The following HHLA1 variants were observed in gnomAD, a reference collection of about 807,000 sequenced individuals.
HHLA1 encodes HHLA1 neighbor of OC90, also known as HERV-H LTR-associating protein 1.
A neutral mutation model predicts 69.9 loss-of-function variants in HHLA1; 72 were observed. The ratio of observed to expected loss-of-function variants is 1.03; its 90% CI spans 0.85 to 1.25. The LOEUF is 1.25. Ranked by LOEUF, HHLA1 falls within the 50% of genes most tolerant of loss-of-function variation. The pLI is 0.00. For synonymous variants in HHLA1, 252 were observed against 233.2 expected (o/e 1.08, Z -0.73); for missense variants, 685 against 642.2 (o/e 1.07, Z -0.72).
chr8:132,090,755 C>CT (rs398047424), intron 7 of HHLA1, among the ~76,000 whole-genome samples: 31 of 97,638 alleles, frequency 3.2e-4, no homozygotes, highest in East Asian at 1.9e-3. Flanking sequence ...CTTTCTCTCT[C>CT]TTTTTTTTTT....
chr8:132,077,513 TG>T (rs996044764), intron 12 of HHLA1, among the ~76,000 whole-genome samples: 1 of 151,724 alleles, frequency 6.6e-6, no homozygotes, highest in Non-Finnish European at 1.5e-5. Context: ...AGAGAGGAAC[TG>T]GGGAATGAAA....
At chr8:132,090,961 G>A (rs1326068183) in intron 7 of HHLA1, among the ~76,000 whole-genome samples, 7 of 152,024 alleles carry the variant, frequency 4.6e-5, no homozygotes, top group Middle Eastern at 3.4e-3. Flanking sequence ...GGGTTTCACC[G>A]TGTTAGCCAG....
intron 3 of HHLA1, among the ~76,000 whole-genome samples, chr8:132,103,822 G>A (rs1824156790): frequency 6.6e-6 from 1 of 152,152 alleles, no homozygotes; most frequent in South Asian, 2.1e-4. Context: ...GAAAGGCAAA[G>A]AAAGATGAAA....
intron 7 of HHLA1, among the ~76,000 whole-genome samples, chr8:132,094,689 C>A (rs1049393898): frequency 5.9e-5 from 9 of 152,118 alleles, no homozygotes; most frequent in Admixed American, 3.3e-4. Context: ...CTTCATGGTT[C>A]CCATGGTCAG....
intron 7 of HHLA1, among the ~76,000 whole-genome samples, chr8:132,091,435 G>C (rs1823944041): frequency 6.6e-6 from 1 of 152,218 alleles, no homozygotes; most frequent in Non-Finnish European, 1.5e-5. Context: ...GCTGAGGTCT[G>C]TCTTGGGCCA....
chr8:132,071,256 C>A, intron 15 of HHLA1, 84 bp downstream of exon 15: 1 of 1,262,726 alleles, frequency 7.9e-7, no homozygotes, highest in African/African-American at 1.5e-5. Flanking sequence ...TATTGCCTGA[C>A]TGCCTTGTGG....
chr8:132,078,237 G>A (rs1311171077), intron 11 of HHLA1, among the ~76,000 whole-genome samples: 4 of 151,526 alleles, frequency 2.6e-5, no homozygotes, highest in Non-Finnish European at 4.4e-5. Flanking sequence ...AGGACCCCAG[G>A]CGTGTGTGTT....
At chr8:132,079,587 T>G in intron 11 of HHLA1, 131 bp downstream of exon 11, 1 of 1,005,998 alleles carries the variant, frequency 9.9e-7, no homozygotes, top group Non-Finnish European at 1.4e-6. Context: ...ATCTGTTATT[T>G]AAGTAAGCTG....
chr8:132,104,152 C>G lies in HHLA1; in HGVS notation c.95G>C (p.Gly32Ala). Residue 32 changes from glycine to alanine, a missense_variant, in exon 3 of 17, where the codon GGA becomes GCA. Physicochemically the swap from Gly to Ala is moderately conservative, Grantham distance 60. Coordinates refer to ENST00000414222, the MANE Select transcript of HHLA1 (RefSeq NM_001145095.3). ...SLWNTVSGIK[G>A]EAKKEKGMTF... The stretch of plus-strand genomic sequence containing the variant: ...CATTCCCTTCTCTTTCTTGGCTTCT[C>G]CTTTGATGCCAGACACTAAAGTAAA... 1 of 1,550,138 alleles carries G rather than the reference C, an allele frequency of 6.5e-7. No homozygotes were observed. Among genetic ancestry groups the G allele is most frequent in the Non-Finnish European group, 8.7e-7 (1 of 1,145,706 alleles).
chr8:132,080,355 G>A, intron 10 of HHLA1: 1 of 349,812 alleles, frequency 2.9e-6, no homozygotes, highest in Non-Finnish European at 5.6e-6. Flanking sequence ...AGGGAGATAA[G>A]GGTGGGGCCG....
In HHLA1 at chr8:132,062,081, T is replaced by C. The variant is rs1189876587; in HGVS notation, c.*1914A>G. 1.3e-5 allele frequency: 2 copies of C among 152,180 alleles called. No homozygotes were observed. The highest frequency in any genetic ancestry group is 2.9e-5 in the Non-Finnish European group (2 of 68,044). 9.4% of individuals were successfully genotyped at this position (152,180 alleles called of 1,614,324 possible). A position where few individuals can be genotyped will look rare whatever the true frequency, so the allele number is the denominator to read the frequency against. ...TCTTTGAGGAACCTTGAGGACCCTC[T>C]CCTGTCAAAGGTCCTTAATTAATAT... On this transcript the variant is annotated 3_prime_UTR_variant, in exon 17 of 17. Coordinates refer to ENST00000414222, the MANE Select transcript of HHLA1 (RefSeq NM_001145095.3).
At chr8:132,080,229 A>T (rs768643686) in intron 10 of HHLA1, 1 of 546,534 alleles carries the variant, frequency 1.8e-6, no homozygotes, top group Admixed American at 2.4e-5. Context: ...TTATGGATAC[A>T]ACTAAATTTC....
chr8:132,096,176 G>C (rs1443991463), intron 5 of HHLA1, among the ~76,000 whole-genome samples: 1 of 152,174 alleles, frequency 6.6e-6, no homozygotes, highest in Non-Finnish European at 1.5e-5. Context: ...TCCCTTCAAG[G>C]GCTCTAAAGG....
chr8:132,072,224 T>C (rs1276607478), intron 14 of HHLA1, among the ~76,000 whole-genome samples: 2 of 152,200 alleles, frequency 1.3e-5, no homozygotes, highest in Non-Finnish European at 2.9e-5. Context: ...CAACAAATTA[T>C]TTTTAATAAA....
chr8:132,102,361 T>G (rs1245473874), intron 3 of HHLA1, among the ~76,000 whole-genome samples: 1 of 152,234 alleles, frequency 6.6e-6, no homozygotes, highest in Non-Finnish European at 1.5e-5. Flanking sequence ...GCTTTTTGGT[T>G]AAATATCAAA....
chr8:132,070,843 C>G (rs1017015198), intron 15 of HHLA1, among the ~76,000 whole-genome samples: 7 of 152,010 alleles, frequency 4.6e-5, no homozygotes, highest in African/African-American at 1.7e-4. Flanking sequence ...TAATACAACT[C>G]AAGTCATCCC....
At chr8:132,102,808 T>A (rs1450038210) in intron 3 of HHLA1, among the ~76,000 whole-genome samples, 1 of 65,878 alleles carries the variant, frequency 1.5e-5, no homozygotes. Context: ...TTTTTTTTTT[T>A]TTTTTTTTTT....
chr8:132,078,381 C>A (rs1264735364), intron 11 of HHLA1, among the ~76,000 whole-genome samples: 1 of 152,096 alleles, frequency 6.6e-6, no homozygotes, highest in Non-Finnish European at 1.5e-5. Flanking sequence ...ATGGTGTGAA[C>A]TTTGGGGCAA....
chr8:132,079,490 G>A (rs1307649684), intron 11 of HHLA1, among the ~76,000 whole-genome samples: 1 of 152,164 alleles, frequency 6.6e-6, no homozygotes, highest in Non-Finnish European at 1.5e-5. Flanking sequence ...GAATAAAAAG[G>A]CATCAAAATA....
Sources: allele counts gnomAD v4.1 joint callset (sites outside exome capture counted in the v4.1 genomes callset), GRCh38; gene constraint gnomAD v4.1.1; transcripts MANE v1.5; gene names NCBI Gene and HGNC (gene_info 2026-07-23, HGNC 2026-07-21).